MGAM: variants seen among roughly 807,000 people sequenced by gnomAD.
MGAM encodes the protein alpha-1,4-glucosidase.
Under a neutral mutation model 358.8 loss-of-function variants are expected in MGAM, and 253 were observed. The observed-to-expected ratio is 0.71, with a 90% CI of 0.64 to 0.78. MGAM has a LOEUF of 0.78. MGAM is among the 30% of genes least tolerant of loss of function. The pLI, the probability that MGAM is intolerant of heterozygous loss-of-function variation, is 0.00. For synonymous variants in MGAM, 1,105 were observed against 1,227.1 expected (o/e 0.90, Z 2.08); for missense variants, 3,080 against 3,432.6 (o/e 0.90, Z 2.57).
At position 142,066,663 on chromosome 7, in the gene MGAM, A is replaced by G. The variant is rs1812787846; in HGVS notation, c.4861A>G (p.Thr1621Ala). ...TRYTLLPYLY[T>A]LMQKAHTEGV... ...ATACACCCTGTTGCCATATCTGTATACCTTGATGCAAAAGGCCCACACGGA... is the reference window on the plus strand; with the variant it reads ...ATACACCCTGTTGCCATATCTGTATGCCTTGATGCAAAAGGCCCACACGGA... The change falls in exon 41 of 71, where the codon ACC (threonine) becomes GCC (alanine). Residue 1621 changes from threonine to alanine, a missense_variant. Physicochemically the swap from Thr to Ala is moderately conservative, Grantham distance 58. Around this residue, in one of 5 missense-constraint regions of MGAM, gnomAD observed 134 missense variants for 198.4 expected, o/e 0.68. Transcript: ENST00000475668. 1 of 1,556,062 alleles carries G rather than the reference A, an allele frequency of 6.4e-7. No homozygotes were observed. The highest frequency in any genetic ancestry group is 8.8e-7 in the Non-Finnish European group (1 of 1,132,602).
chr7:142,058,097 G>T (rs2129037314), intron 30 of MGAM, 106 bp from the exon 31 acceptor site: 1 of 1,544,400 alleles, frequency 6.5e-7, no homozygotes, highest in South Asian at 1.2e-5. Flanking sequence ...ATTTCAATTA[G>T]TTAGTTGTCT....
chr7:142,056,058 G>T lies in MGAM; in HGVS notation c.3542G>T (p.Ser1181Ile), dbSNP rs1811496059. Residue 1181 changes from serine (S) to isoleucine (I), a missense_variant, in exon 29 of 71, where the codon AGT becomes ATT. Physicochemically the swap from Ser to Ile is moderately radical, Grantham distance 142. Around this residue, in one of 5 missense-constraint regions of MGAM, gnomAD observed 1,816 missense variants for 1,840.5 expected, o/e 0.99. Transcript: ENST00000475668. ...PYYMGLEEDGSAHGVLLLNSN... is the reference protein window; with the variant it reads ...PYYMGLEEDGIAHGVLLLNSN... ...TACATGGGGCTGGAGGAGGACGGCA[G>T]TGCCCATGGAGTGCTCCTGCTGAAC... is the stretch of plus-strand genomic sequence containing the variant. 6.2e-7 allele frequency: 1 copy of T among 1,611,294 alleles called. No individual in the cohort carries two copies.
chr7:142,082,356 GT>G (rs1301272663), intron 51 of MGAM, 118 bp from the exon 52 acceptor site: 3 of 1,274,178 alleles, frequency 2.4e-6, no homozygotes, highest in Middle Eastern at 2.5e-4. Context: ...TTTGTTTCAT[GT>G]GTTTAATTGA....
chr7:142,078,997 C>G lies in MGAM; in HGVS notation c.5836C>G (p.Leu1946Val), dbSNP rs747473196. The G allele has an allele frequency of 3.0e-5, 47 of 1,552,952 alleles. 11 individuals are homozygous for G. The highest frequency in any genetic ancestry group is 4.1e-5 in the Non-Finnish European group (46 of 1,130,158). ...TGTCACTTACCATAAGAATGAAATG[C>G]TACAGTTCAAGGTAAACACGGTACA... Reference protein sequence around the residue: ...LDVTYHKNEMLQFKIYDPNNN... With the variant: ...LDVTYHKNEMVQFKIYDPNNN... Residue 1946 changes from leucine to valine, a missense_variant, in exon 49 of 71, where the codon CTA (leucine) becomes GTA (valine). By Grantham distance (32) the Leu-to-Val change is conservative. Coordinates refer to ENST00000475668, the MANE Select transcript of MGAM (RefSeq NM_001365693.1).
At chr7:142,081,600 A>AG (rs1403180063) in intron 50 of MGAM, among the ~76,000 whole-genome samples, 1 of 146,068 alleles carries the variant, frequency 6.8e-6, no homozygotes, top group African/African-American at 2.4e-5. Flanking sequence ...ACGCCGGTTG[A>AG]GGGGGCAGCT....
intron 21 of MGAM, among the ~76,000 whole-genome samples, chr7:142,042,158 A>G (rs1487953017): frequency 2.3e-5 from 1 of 43,014 alleles, no homozygotes; most frequent in Non-Finnish European, 3.5e-5. Context: ...TAATATATAT[A>G]CATATAATAT....
chr7:142,037,087 T>G, intron 18 of MGAM, 110 bp downstream of exon 18: 2 of 1,075,160 alleles, frequency 1.9e-6, no homozygotes, highest in Non-Finnish European at 2.7e-6. Flanking sequence ...TATTCATATC[T>G]ATCTGTATCT....
chr7:142,037,133 A>G (rs572470875), intron 18 of MGAM, among the ~76,000 whole-genome samples, 156 bp downstream of exon 18: 7 of 152,172 alleles, frequency 4.6e-5, no homozygotes, highest in African/African-American at 1.7e-4. Context: ...TCATTAATCT[A>G]TCTATCTATC....
Position 142,041,794 on chromosome 7 carries a change from G to A in MGAM, c.2498+948G>A, listed in dbSNP as rs577327632. On this transcript the variant is annotated intron_variant, in intron 21 of 70. Transcript: ENST00000475668. The stretch of plus-strand genomic sequence containing the variant: ...GATCCAAATGAAACTTTACATTTCA[G>A]CAGCAAGAAATCTTTCCTTAATCTT... Among the ~76,000 whole-genome samples the A allele has an allele frequency of 4.2e-5, 6 of 142,996 alleles. No homozygotes were observed. In the East Asian group the frequency reaches 1.2e-3, roughly 29 times the overall value. The allele number at this position is 142,996 out of a possible 152,430, so 93.8% of individuals were successfully genotyped here.
At chr7:142,097,549 G>T in intron 65 of MGAM, 44 bp from the exon 66 acceptor site, 1 of 1,577,006 alleles carries the variant, frequency 6.3e-7, no homozygotes, top group East Asian at 2.2e-5. Flanking sequence ...TCTCTGTCCT[G>T]GAAAATGGTG....
chr7:142,069,403 A>T (rs979944351), intron 43 of MGAM, among the ~76,000 whole-genome samples: 4 of 145,494 alleles, frequency 2.7e-5, no homozygotes, highest in Non-Finnish European at 4.7e-5. Flanking sequence ...GACCCTGACA[A>T]ATCAGACCCT....
intron 21 of MGAM, among the ~76,000 whole-genome samples, chr7:142,041,905 T>TA (rs569378566): frequency 0.01 from 277 of 26,710 alleles, 12 homozygotes; most frequent in Non-Finnish European, 0.019. Context: ...AATATATATA[T>TA]TATATATATA....
chr7:142,075,634 A>C (rs1813672645), intron 45 of MGAM, among the ~76,000 whole-genome samples: 1 of 146,592 alleles, frequency 6.8e-6, no homozygotes, highest in South Asian at 2.2e-4. Flanking sequence ...GGACCTGAAC[A>C]GATGTTTTTC....
intron 21 of MGAM, among the ~76,000 whole-genome samples, chr7:142,045,277 T>G (rs1810027980): frequency 3.7e-5 from 1 of 27,338 alleles, no homozygotes; most frequent in South Asian, 1.1e-3. Flanking sequence ...TATATATACC[T>G]ATAATATATG....
Position 142,027,715 on chromosome 7 carries a change from C to T in MGAM, c.1201C>T (p.Arg401Cys), listed in dbSNP as rs188481752. Reference sequence around the variant, plus strand: ...CATGAGGGAAGTCGTGGAGAGAAATCGCGCAGCACAGCTCCCTTATGTAAG... The same window carrying T: ...CATGAGGGAAGTCGTGGAGAGAAATTGCGCAGCACAGCTCCCTTATGTAAG... Reference protein sequence around the residue: ...DNMREVVERNRAAQLPYDVQH... With the variant: ...DNMREVVERNCAAQLPYDVQH... Residue 401 changes from arginine (R) to cysteine (C), a missense_variant, in exon 10 of 71, where the codon CGC (arginine) becomes TGC (cysteine). Arg to Cys is a radical substitution (Grantham distance 180, BLOSUM62 -3). Coordinates refer to ENST00000475668, the MANE Select transcript of MGAM (RefSeq NM_001365693.1). The T allele has an allele frequency of 2.5e-3, 4,046 of 1,612,324 alleles. 7 individuals carry two copies. The highest frequency in any genetic ancestry group is 3.2e-3 in the Non-Finnish European group (3,761 of 1,178,966).
intron 58 of MGAM, 111 bp from the exon 59 acceptor site, chr7:142,092,410 T>C (rs1815478174): frequency 1.8e-6 from 2 of 1,110,744 alleles, no homozygotes; most frequent in East Asian, 5.2e-5. Context: ...AGGGCTGGCA[T>C]CTATAGGGAT....
intron 68 of MGAM, among the ~76,000 whole-genome samples, 170 bp downstream of exon 68, chr7:142,101,060 G>A (rs145470965): frequency 1.1e-3 from 165 of 152,294 alleles, no homozygotes; most frequent in African/African-American, 3.6e-3. Context: ...TATTCCTCAT[G>A]TAAATGAAGC....
rs190772149 is a variant in MGAM, at chr7:142,082,663, T to G, written c.6268+92T>G. 1.0e-4 allele frequency: 106 copies of G among 1,053,068 alleles called. 9 individuals carry two copies. In the East Asian group the frequency reaches 2.4e-3, roughly 24 times the overall value. 65.2% of individuals were successfully genotyped at this position (1,053,068 alleles called of 1,614,324 possible). A position where few individuals can be genotyped will look rare whatever the true frequency, so the allele number is the denominator to read the frequency against. ...TGTTTAGCCTAACTGTTCCTTGAAG[T>G]CAAAATCTTCATTTTACGGGCACTG... On this transcript the variant is annotated intron_variant, in intron 52 of 70. Coordinates refer to ENST00000475668, the MANE Select transcript of MGAM (RefSeq NM_001365693.1).
intron 3 of MGAM, among the ~76,000 whole-genome samples, chr7:142,009,424 T>C (rs1004221760): frequency 2.6e-5 from 4 of 152,158 alleles, no homozygotes; most frequent in Non-Finnish European, 5.9e-5. Context: ...AATAGCTCAA[T>C]TGAGCTGTAC....
Sources: gnomAD v4.1 joint callset for allele counts (sites outside exome capture counted in the v4.1 genomes callset) on GRCh38, gnomAD v4.1.1 for gene constraint, gnomAD v4.1.1 regional missense constraint, MANE v1.5 for transcripts, NCBI Gene and HGNC (gene_info 2026-07-23, HGNC 2026-07-21) for gene names.